Variants in ACOT7 observed in about 807,000 individuals in gnomAD.
ACOT7 encodes acyl-CoA thioesterase 7.
A neutral mutation model predicts 40.2 loss-of-function variants in ACOT7; 12 were observed. The observed-to-expected ratio is 0.30, with a 90% confidence interval of 0.19 to 0.48. The LOEUF is 0.48. Among genes scored for constraint, ACOT7 ranks in the 20% least tolerant of loss-of-function variants. The pLI, the probability that ACOT7 is intolerant of heterozygous loss-of-function variation, is 0.99. For synonymous variants in ACOT7, 228 were observed against 219.5 expected (o/e 1.04, Z -0.34); for missense variants, 395 against 530.8 (o/e 0.74, Z 2.51).
At chr1:6,305,995 C>T (rs1425096062) in intron 6 of ACOT7, among the ~76,000 whole-genome samples, 55 of 151,860 alleles carry the variant, frequency 3.6e-4, no homozygotes, top group African/African-American at 1.2e-3. Flanking sequence ...GAGACCAGCC[C>T]GGCCAACACA....
chr1:6,340,518 A>G (rs1641247888), intron 2 of ACOT7, among the ~76,000 whole-genome samples: 1 of 152,264 alleles, frequency 6.6e-6, no homozygotes, highest in African/African-American at 2.4e-5. Context: ...CCTCCCATTC[A>G]AAGATAACCA....
At chr1:6,295,135 G>A (rs1639777308) in intron 6 of ACOT7, 155 bp from the exon 7 acceptor site, 1 of 569,100 alleles carries the variant, frequency 1.8e-6, no homozygotes, top group Non-Finnish European at 3.1e-6. Flanking sequence ...CGCACGTGCT[G>A]TGGCTCACGC....
At chr1:6,385,993 A>G (rs930101503) in intron 1 of ACOT7, among the ~76,000 whole-genome samples, 2 of 152,206 alleles carry the variant, frequency 1.3e-5, no homozygotes, top group African/African-American at 4.8e-5. Context: ...TGGGGCCACA[A>G]GCAACACTCA....
At chr1:6,323,488 C>T (rs988732666) in intron 5 of ACOT7, among the ~76,000 whole-genome samples, 4 of 152,020 alleles carry the variant, frequency 2.6e-5, no homozygotes, top group East Asian at 3.9e-4. Flanking sequence ...GAGGCTGAGG[C>T]GGGCGGATCG....
Position 6,264,525 on chromosome 1 carries a change from G to GAACTTCTAAGTGACTGGAC in ACOT7, c.*53_*71dup. 6.9e-7 allele frequency: 1 copy of GAACTTCTAAGTGACTGGAC among 1,447,800 alleles called. No homozygotes were observed. Among genetic ancestry groups the GAACTTCTAAGTGACTGGAC allele is most frequent in the South Asian group, 1.3e-5 (1 of 77,344 alleles). The allele number at this position is 1,447,800 out of a possible 1,614,324, so 89.7% of individuals were successfully genotyped here. ...TGAATTGGGTTTTTGGCCAAGGGGG[G>GAACTTCTAAGTGACTGGAC]AACTTCTAAGTGACTGGACACTGGG... On this transcript the variant is annotated 3_prime_UTR_variant, in exon 9 of 9. Transcript: ENST00000361521.
intron 3 of ACOT7, among the ~76,000 whole-genome samples, chr1:6,335,392 C>G (rs377345815): frequency 1.3e-4 from 20 of 150,838 alleles, no homozygotes; most frequent in African/African-American, 4.9e-4. Context: ...GTCCCAAAGG[C>G]TGAGATAGGA....
At chr1:6,364,542 C>CAA (rs553139824) in intron 1 of ACOT7, among the ~76,000 whole-genome samples, 11,105 of 75,364 alleles carry the variant, frequency 0.15, 723 homozygotes, top group African/African-American at 0.27. Flanking sequence ...GACTCTGTCT[C>CAA]AAAAAAAAAA....
chr1:6,344,622 GGT>G (rs1350045957), intron 2 of ACOT7, among the ~76,000 whole-genome samples: 2 of 151,894 alleles, frequency 1.3e-5, no homozygotes. Flanking sequence ...AAACTAGCCG[GGT>G]GTGGTGGCAC....
At chr1:6,285,037 CTTG>C (rs2148383877) in intron 7 of ACOT7, among the ~76,000 whole-genome samples, 1 of 152,368 alleles carries the variant, frequency 6.6e-6, no homozygotes, top group South Asian at 2.1e-4. Flanking sequence ...CATTGGCACA[CTTG>C]TTGGCTTGTC....
At chr1:6,349,385 CTGGCCTCTTATGTCTCAGCTGT>C (rs1181070006) in intron 2 of ACOT7, among the ~76,000 whole-genome samples, 1 of 152,204 alleles carries the variant, frequency 6.6e-6, no homozygotes, top group African/African-American at 2.4e-5. Context: ...CATCTGCTGT[CTGGCCTCTTATGTCTCAGCTGT>C]TGGCCATCAC....
rs760657656 is a variant in ACOT7 at position 6,306,325 on chromosome 1, G to A, written c.713-11345C>T. On this transcript the variant is annotated intron_variant, in intron 6 of 8. Transcript: ENST00000361521. This position sits in a 1 kb window ranked among gnomAD's most constrained non-coding sequence, Gnocchi z 4.3. The stretch of plus-strand genomic sequence containing the variant: ...TGCCCCATGATTTGAGAGGGATGAC[G>A]TGCTGGCCACCAGGGACCCGGCTGA... The A allele has an allele frequency of 1.7e-4, 168 of 985,276 alleles. 1 individual carries two copies. Among genetic ancestry groups the A allele is most frequent in the Non-Finnish European group, 1.9e-4 (156 of 829,938 alleles). 61.0% of individuals were successfully genotyped at this position (985,276 alleles called of 1,614,324 possible).
intron 7 of ACOT7, among the ~76,000 whole-genome samples, chr1:6,286,224 T>C (rs1453207101): frequency 6.6e-6 from 1 of 152,096 alleles, no homozygotes; most frequent in East Asian, 1.9e-4. Context: ...TGGGACCAGC[T>C]TGAGGTGAAA....
chr1:6,308,095 A>G lies in ACOT7; in HGVS notation c.712+10397T>C, dbSNP rs545510980. Among the ~76,000 whole-genome samples the G allele has an allele frequency of 4.6e-5, 7 of 151,340 alleles. No homozygotes were observed. In the South Asian group the frequency reaches 1.3e-3, roughly 27 times the overall value. ...GGAACAGTGACCAAAGGGAACTACA[A>G]CCAGGCAGAGGGAACCACAACAGGC... On this transcript the variant is annotated intron_variant, in intron 6 of 8. Transcript: ENST00000361521.
rs985496422 is a variant in ACOT7 at position 6,275,016 on chromosome 1, C to A, written c.1014+6086G>T. Among the ~76,000 whole-genome samples, 1 of 152,188 alleles carries A rather than the reference C, an allele frequency of 6.6e-6. No homozygotes were observed. Among genetic ancestry groups the A allele is most frequent in the Non-Finnish European group, 1.5e-5 (1 of 68,034 alleles). On this transcript the variant is annotated intron_variant, in intron 8 of 8. Transcript: ENST00000361521. The surrounding 1 kb of genome is among the most constrained non-coding windows in gnomAD (Gnocchi z 5.6). ...GTCACAGATGGGCCTGCTGGCCGTG[C>A]GACCCCTGGCGAGTGACTCCCTGCC... is the stretch of plus-strand genomic sequence containing the variant.
chr1:6,347,648 T>C (rs1461793821), intron 2 of ACOT7, among the ~76,000 whole-genome samples: 1 of 151,908 alleles, frequency 6.6e-6, no homozygotes, highest in Non-Finnish European at 1.5e-5. Flanking sequence ...ACACCTGTAA[T>C]CCCAGCTGCT....
chr1:6,358,995 C>A lies in ACOT7; in HGVS notation c.144-9129G>T. The A allele has an allele frequency of 7.3e-7, 1 of 1,364,484 alleles. No homozygotes were observed. 84.5% of individuals were successfully genotyped at this position (1,364,484 alleles called of 1,614,324 possible). A position where few individuals can be genotyped will look rare whatever the true frequency, so the allele number is the denominator to read the frequency against. ...CCCCACCCCCAGCTTCCTGAGCTGCCCAATCTGGCCAGGAAGAGGCTGCCT... is the reference window on the plus strand; with the variant it reads ...CCCCACCCCCAGCTTCCTGAGCTGCACAATCTGGCCAGGAAGAGGCTGCCT... On this transcript the variant is annotated intron_variant, in intron 1 of 8. Transcript: ENST00000361521. This position sits in a 1 kb window ranked among gnomAD's most constrained non-coding sequence, Gnocchi z 4.1.
chr1:6,277,192 C>T (rs909784882), intron 8 of ACOT7, among the ~76,000 whole-genome samples: 1 of 152,226 alleles, frequency 6.6e-6, no homozygotes, highest in South Asian at 2.1e-4. Context: ...GCCCATGGAT[C>T]GCTGGCCCCT....
chr1:6,270,358 C>T (rs1297311373), intron 8 of ACOT7, among the ~76,000 whole-genome samples: 1 of 152,216 alleles, frequency 6.6e-6, no homozygotes, highest in Non-Finnish European at 1.5e-5. Flanking sequence ...ATGTCTCTCT[C>T]AAGTCCCCGA....
chr1:6,266,162 G>A (rs548819914), intron 8 of ACOT7, among the ~76,000 whole-genome samples: 5 of 152,318 alleles, frequency 3.3e-5, no homozygotes, highest in East Asian at 1.9e-4. Context: ...CCGCTGCTAC[G>A]GTTTGATCTC....
Sources: allele counts gnomAD v4.1 joint callset (sites outside exome capture counted in the v4.1 genomes callset), GRCh38; gene constraint gnomAD v4.1.1; non-coding constraint Gnocchi (gnomAD v3.1); transcripts MANE v1.5; gene names NCBI Gene and HGNC (gene_info 2026-07-23, HGNC 2026-07-21).